FIBCD1: variants seen among roughly 807,000 people sequenced by gnomAD.
FIBCD1 encodes fibrinogen C domain-containing protein 1.
A neutral mutation model predicts 45.1 loss-of-function variants in FIBCD1; 47 were observed. The ratio of observed to expected loss-of-function variants is 1.04; its 90% confidence interval spans 0.82 to 1.33. The LOEUF (loss-of-function observed/expected upper bound fraction) is 1.33. Among genes scored for constraint, FIBCD1 ranks in the 40% most tolerant of loss-of-function variants. The probability of loss-of-function intolerance (pLI) is 0.00; values close to 1 mark genes in which losing one functional copy is unlikely to be tolerated. For synonymous variants in FIBCD1, 313 were observed against 308.1 expected, an observed-to-expected ratio of 1.02 and a Z score of -0.17; for missense variants, 653 against 682.2, an observed-to-expected ratio of 0.96 and a Z score of 0.48.
At chr9:130,931,693 T>C (rs1832449718) in intron 1 of FIBCD1, among the ~76,000 whole-genome samples, 1 of 152,116 alleles carries the variant, frequency 6.6e-6, no homozygotes, top group South Asian at 2.1e-4. Flanking sequence ...CCCCTGAGCA[T>C]TACACACAAG....
Position 130,930,415 on chromosome 9 carries a change from C to T in FIBCD1, c.73-369G>A, listed in dbSNP as rs931888655. 8.8e-5 allele frequency among the ~76,000 whole-genome samples: 13 copies of T among 147,446 alleles called. No homozygotes were observed. The South Asian group carries it at 1.1e-3, about 12-fold the overall frequency. On this transcript the variant is annotated intron_variant, in intron 1 of 6. Coordinates refer to ENST00000372338, the MANE Select transcript of FIBCD1 (RefSeq NM_032843.5). ...AGACATGGGGAGATGCGGGGAGACG[C>T]GGGGAGACACGGGGAGACATGGGGA...
Position 130,911,140 on chromosome 9 carries a change from C to CT in FIBCD1, c.946+651dup, listed in dbSNP as rs531105351. On this transcript the variant is annotated intron_variant, in intron 5 of 6. Transcript: ENST00000372338. ...TCTTTCACTCTTTGGGTCCACGCTGCTTTTATGAGCTGCAACACTCACCGT... is the reference window on the plus strand; with the variant it reads ...TCTTTCACTCTTTGGGTCCACGCTGCTTTTTATGAGCTGCAACACTCACCGT... Among the ~76,000 whole-genome samples the CT allele has an allele frequency of 3.4e-4, 52 of 152,312 alleles. 1 individual carries two copies. The East Asian group carries it at 9.6e-3, about 28-fold the overall frequency.
In FIBCD1 at chr9:130,922,258, G is replaced by T. The variant is rs1010828186; in HGVS notation, c.849+1486C>A. On this transcript the variant is annotated intron_variant, in intron 4 of 6. Transcript: ENST00000372338. This position sits in a 1 kb window ranked among gnomAD's most constrained non-coding sequence, Gnocchi z 4.5. ...GTGGCAGCAGCCCTGGGGCGGTGGG[G>T]TTCTCACCGGCCCACCCCCGGGCCT... 6.6e-6 allele frequency among the ~76,000 whole-genome samples: 1 copy of T among 152,124 alleles called. No homozygotes were observed. The highest frequency in any genetic ancestry group is 1.5e-5 in the Non-Finnish European group (1 of 68,012).
At position 130,929,735 on chromosome 9, in the gene FIBCD1, C is replaced by G; in HGVS notation, c.384G>C (p.Leu128=). 6.3e-7 allele frequency: 1 copy of G among 1,579,008 alleles called. No individual in the cohort carries two copies. The highest frequency in any genetic ancestry group is 1.2e-5 in the South Asian group (1 of 86,494). ...GCAGCTCCTGCTCCTGGTCGCCCAC[C>G]AGCCGTGGCTGGGCCTGGTGCTCTG... ...ALTEHQAQPR[L]VGDQEQELLD... The change falls in exon 2 of 7, where the codon CTG becomes CTC. Residue 128 remains leucine, a synonymous_variant. Coordinates refer to ENST00000372338, the MANE Select transcript of FIBCD1 (RefSeq NM_032843.5).
intron 1 of FIBCD1, among the ~76,000 whole-genome samples, chr9:130,935,943 C>A (rs1420956116): frequency 2.0e-5 from 3 of 152,208 alleles, no homozygotes; most frequent in Non-Finnish European, 4.4e-5. Flanking sequence ...TAAAGAACCT[C>A]GGCCAGGCCC....
chr9:130,923,347 G>A (rs192602966), intron 4 of FIBCD1, among the ~76,000 whole-genome samples: 7 of 152,226 alleles, frequency 4.6e-5, no homozygotes, highest in East Asian at 3.9e-4. Context: ...CTGCACACGC[G>A]CCGTGTATTG....
chr9:130,905,318 C>A lies in FIBCD1; in HGVS notation c.1042G>T (p.Gly348Trp). The A allele has an allele frequency of 1.9e-6, 3 of 1,614,008 alleles. No individual in the cohort carries two copies. The highest frequency in any genetic ancestry group is 2.5e-6 in the Non-Finnish European group (3 of 1,180,028). ...FENGTAYARYGSFGVGLFSVD... is the reference protein window; with the variant it reads ...FENGTAYARYWSFGVGLFSVD... ...GAGAACAAGCCCACGCCGAAGCTCC[C>A]GTAGCGGGCATAGGCCGTGCCATTC... Residue 348 changes from glycine to tryptophan, a missense_variant, in exon 6 of 7, where the codon GGG (glycine) becomes TGG (tryptophan). Coordinates refer to ENST00000372338, the MANE Select transcript of FIBCD1 (RefSeq NM_032843.5).
intron 1 of FIBCD1, among the ~76,000 whole-genome samples, chr9:130,936,011 G>A (rs1308087491): frequency 1.3e-5 from 2 of 152,206 alleles, no homozygotes; most frequent in African/African-American, 4.8e-5. Flanking sequence ...AGGAGACCGG[G>A]ACACAGCCAG....
At chr9:130,939,938 C>T (rs1202289725), upstream of FIBCD1, among the ~76,000 whole-genome samples, 1 of 152,034 alleles carries the variant, frequency 6.6e-6, no homozygotes, top group African/African-American at 2.4e-5. Flanking sequence ...CCGAGCCCGC[C>T]GGCCGCCCCT....
At chr9:130,910,333 C>T (rs1241077883) in intron 5 of FIBCD1, among the ~76,000 whole-genome samples, 1 of 152,234 alleles carries the variant, frequency 6.6e-6, no homozygotes, top group Non-Finnish European at 1.5e-5. Context: ...CACTCGATTT[C>T]TCACCGGGCC....
intron 1 of FIBCD1, among the ~76,000 whole-genome samples, chr9:130,932,905 C>G (rs533521832): frequency 6.6e-6 from 1 of 152,208 alleles, no homozygotes; most frequent in Non-Finnish European, 1.5e-5. Flanking sequence ...CACCTTGCCC[C>G]GAGCAGCTCA....
At chr9:130,911,601 G>A (rs1020590852) in intron 5 of FIBCD1, among the ~76,000 whole-genome samples, 191 bp downstream of exon 5, 16 of 152,246 alleles carry the variant, frequency 1.1e-4, no homozygotes, top group South Asian at 2.1e-4. Flanking sequence ...TGACACTTCC[G>A]TTGGCAATGT....
intron 4 of FIBCD1, among the ~76,000 whole-genome samples, chr9:130,917,681 G>C (rs115198031): frequency 6.6e-6 from 1 of 152,200 alleles, no homozygotes; most frequent in Admixed American, 6.5e-5. Flanking sequence ...CTAGCGTCCT[G>C]AGCACTGAGC....
intron 5 of FIBCD1, among the ~76,000 whole-genome samples, chr9:130,908,018 C>T (rs905179189): frequency 1.4e-5 from 2 of 147,120 alleles, no homozygotes; most frequent in African/African-American, 5.2e-5. Context: ...AGAAAAGATA[C>T]AAAGAAAAGG....
chr9:130,939,682 C>G (rs1289329605), upstream of FIBCD1, among the ~76,000 whole-genome samples: 1 of 152,052 alleles, frequency 6.6e-6, no homozygotes, highest in African/African-American at 2.4e-5. Context: ...CCCGCGCTCC[C>G]CGGCGCGCCC....
rs115043040 is a variant in FIBCD1 at position 130,921,573 on chromosome 9, G to A, written c.849+2171C>T. 5.1e-3 allele frequency among the ~76,000 whole-genome samples: 784 copies of A among 152,340 alleles called. 6 individuals carry two copies. Among genetic ancestry groups the A allele is most frequent in the African/African-American group, 0.018 (760 of 41,582 alleles). On this transcript the variant is annotated intron_variant, in intron 4 of 6. Coordinates refer to ENST00000372338, the MANE Select transcript of FIBCD1 (RefSeq NM_032843.5). ...TCTAATCGCCCCTGAAGCTGAGTCC[G>A]TCGGAATGACCGGCCTCCCAGCCCA...
intron 1 of FIBCD1, among the ~76,000 whole-genome samples, chr9:130,931,018 A>G (rs1029506539): frequency 6.6e-6 from 1 of 152,000 alleles, no homozygotes; most frequent in African/African-American, 2.4e-5. Context: ...GGGGGCTCCT[A>G]GGCACCTCCT....
chr9:130,913,448 C>T (rs1011330826), intron 4 of FIBCD1, among the ~76,000 whole-genome samples: 5 of 152,308 alleles, frequency 3.3e-5, no homozygotes, highest in East Asian at 1.9e-4. Flanking sequence ...GCGTCTGCCG[C>T]GTGAGCGTTT....
chr9:130,911,134 A>G (rs898803735), intron 5 of FIBCD1, among the ~76,000 whole-genome samples: 2 of 152,204 alleles, frequency 1.3e-5, no homozygotes, highest in Admixed American at 6.5e-5. Flanking sequence ...CTTTGGGTCC[A>G]CGCTGCTTTT....
Sources: gnomAD v4.1 joint callset for allele counts (sites outside exome capture counted in the v4.1 genomes callset) on GRCh38, gnomAD v4.1.1 for gene constraint, Gnocchi (gnomAD v3.1) non-coding constraint, MANE v1.5 for transcripts, NCBI Gene and HGNC (gene_info 2026-07-23, HGNC 2026-07-21) for gene names.